The following GRIP1 variants were observed in gnomAD, a reference collection of about 807,000 sequenced individuals.
The protein encoded by GRIP1 is glutamate receptor interacting protein 1.
A neutral mutation model predicts 129.9 loss-of-function variants in GRIP1; 45 were observed. The ratio of observed to expected loss-of-function variants is 0.35; its 90% CI spans 0.27 to 0.44. The LOEUF (loss-of-function observed/expected upper bound fraction) is 0.44, where lower values mean the gene tolerates loss of function less well. Ranked by LOEUF, GRIP1 falls within the 20% of genes least tolerant of loss-of-function variation. The pLI is 1.00. For synonymous variants in GRIP1, 530 were observed against 520.8 expected (o/e 1.02, Z -0.24); for missense variants, 1,196 against 1,396.8 (o/e 0.86, Z 2.29).
intron 4 of GRIP1, among the ~76,000 whole-genome samples, chr12:66,531,009 G>T (rs1378938839): frequency 4.0e-5 from 6 of 151,718 alleles, no homozygotes; most frequent in African/African-American, 1.5e-4. Flanking sequence ...TGCCAAGGCG[G>T]GTGGATCACA....
intron 15 of GRIP1, among the ~76,000 whole-genome samples, chr12:66,415,259 G>A (rs1404640354): frequency 6.6e-6 from 1 of 151,448 alleles, no homozygotes; most frequent in African/African-American, 2.4e-5. Context: ...GATATCCAAA[G>A]TCTACAAAGA....
intron 5 of GRIP1, among the ~76,000 whole-genome samples, chr12:66,524,094 C>T (rs912635455): frequency 6.6e-6 from 1 of 152,118 alleles, no homozygotes; most frequent in Non-Finnish European, 1.5e-5. Context: ...ACTTAACACC[C>T]CACTGTCAAC....
At chr12:66,630,683 A>C (rs2030679520) in intron 1 of GRIP1, among the ~76,000 whole-genome samples, 1 of 152,136 alleles carries the variant, frequency 6.6e-6, no homozygotes, top group Non-Finnish European at 1.5e-5. Context: ...GTGAGCAGAG[A>C]CTCAGAGTGG....
rs1439856951 is a variant in GRIP1 at position 66,377,001 on chromosome 12, CAT to C, written c.2778+14_2778+15del. On this transcript the variant is annotated intron_variant, in intron 22 of 24. Coordinates refer to ENST00000359742, the MANE Select transcript of GRIP1 (RefSeq NM_001366722.1). ...GCAGCTTCACAAGCAAAAATATAAA[CAT>C]AAAGGGTAGCTACCAAGAGAGTCAT... 1 of 1,593,924 alleles carries C rather than the reference CAT, an allele frequency of 6.3e-7. No individual in the cohort carries two copies. Among genetic ancestry groups the C allele is most frequent in the Non-Finnish European group, 8.6e-7 (1 of 1,161,620 alleles).
chr12:66,479,848 G>A (rs1359298559), intron 7 of GRIP1, among the ~76,000 whole-genome samples: 1 of 149,136 alleles, frequency 6.7e-6, no homozygotes, highest in Non-Finnish European at 1.5e-5. Flanking sequence ...ATGTAGAAAA[G>A]GCCTTCAATA....
chr12:66,678,807 C>A (rs780412035), intron 1 of GRIP1, 43 bp downstream of exon 1: 1 of 1,570,762 alleles, frequency 6.4e-7, no homozygotes, highest in South Asian at 1.1e-5. Flanking sequence ...TTATAGGATA[C>A]TGCAACAGAC....
At chr12:66,435,202 A>ATTT (rs35281910) in intron 13 of GRIP1, among the ~76,000 whole-genome samples, 1,770 of 139,394 alleles carry the variant, frequency 0.013, 44 homozygotes, top group Non-Finnish European at 0.018. Context: ...ACGTGTGACC[A>ATTT]TTTTTTTTTT....
intron 2 of GRIP1, among the ~76,000 whole-genome samples, chr12:66,574,774 T>A (rs530841614): frequency 6.6e-6 from 1 of 152,054 alleles, no homozygotes; most frequent in East Asian, 1.9e-4. Context: ...AGGAACTCTC[T>A]GTTCCCACTT....
chr12:66,660,315 T>C (rs2033421939), intron 1 of GRIP1, among the ~76,000 whole-genome samples: 3 of 152,110 alleles, frequency 2.0e-5, no homozygotes, highest in Admixed American at 2.0e-4. Context: ...TGCACCTACG[T>C]ATTCAAATGA....
chr12:66,746,374 T>C (rs578138619), intron 1 of GRIP1, among the ~76,000 whole-genome samples: 5 of 152,320 alleles, frequency 3.3e-5, no homozygotes, highest in African/African-American at 9.6e-5. Flanking sequence ...TGGCATCTCC[T>C]GGAAGTTTGT....
intron 1 of GRIP1, among the ~76,000 whole-genome samples, chr12:66,620,493 C>T (rs2065219991): frequency 6.6e-6 from 1 of 152,026 alleles, no homozygotes; most frequent in Non-Finnish European, 1.5e-5. Context: ...AGCTTCCACT[C>T]TCACCTTCTG....
intron 1 of GRIP1, among the ~76,000 whole-genome samples, chr12:66,952,237 G>A (rs1461136662): frequency 1.3e-5 from 2 of 152,036 alleles, no homozygotes; most frequent in Non-Finnish European, 1.5e-5. Context: ...AAAACCATGA[G>A]CCAAAGTCAA....
At chr12:67,045,313 G>A (rs191969542) in intron 1 of GRIP1, among the ~76,000 whole-genome samples, 73 of 152,292 alleles carry the variant, frequency 4.8e-4, no homozygotes, top group Admixed American at 4.7e-3. Flanking sequence ...CAGAGACAGA[G>A]AGAAATTCTA....
At chr12:66,470,351 G>A (rs1213907082) in intron 7 of GRIP1, among the ~76,000 whole-genome samples, 1 of 151,852 alleles carries the variant, frequency 6.6e-6, no homozygotes, top group African/African-American at 2.4e-5. Context: ...CATTCAAAAT[G>A]CTGTCAGCCG....
chr12:66,935,471 T>C (rs926821955), intron 1 of GRIP1, among the ~76,000 whole-genome samples: 2 of 152,084 alleles, frequency 1.3e-5, no homozygotes, highest in Non-Finnish European at 2.9e-5. Flanking sequence ...ATTAAAGGGT[T>C]GGGGCTTTGA....
chr12:66,705,394 G>A (rs2035493570), intron 1 of GRIP1, among the ~76,000 whole-genome samples: 1 of 151,926 alleles, frequency 6.6e-6, no homozygotes, highest in Non-Finnish European at 1.5e-5. Flanking sequence ...CACTGCCCAA[G>A]GAAATAAGAG....
chr12:66,966,158 G>C lies in GRIP1; in HGVS notation c.58+102892C>G, dbSNP rs191605409. Reference sequence around the variant, plus strand: ...TATAAGGAGAAATCAAAGAATTGCTGTATTCCAGAAATAAACTGAGTAGCA... The same window carrying C: ...TATAAGGAGAAATCAAAGAATTGCTCTATTCCAGAAATAAACTGAGTAGCA... On this transcript the variant is annotated intron_variant, in intron 1 of 1. Transcript: ENST00000643019. 5.1e-4 allele frequency among the ~76,000 whole-genome samples: 77 copies of C among 152,242 alleles called. 1 individual carries two copies. Among genetic ancestry groups the C allele is most frequent in the African/African-American group, 1.7e-3 (71 of 41,556 alleles).
chr12:66,605,669 C>T (rs555245211), intron 1 of GRIP1, among the ~76,000 whole-genome samples: 7 of 152,240 alleles, frequency 4.6e-5, no homozygotes, highest in South Asian at 2.1e-4. Context: ...TTTATAACTT[C>T]GGTAACTTTA....
chr12:66,767,515 TGAA>T (rs953627598), intron 1 of GRIP1, among the ~76,000 whole-genome samples: 10 of 151,512 alleles, frequency 6.6e-5, no homozygotes, highest in South Asian at 4.2e-4. Context: ...CAATAAAAGC[TGAA>T]GAAGAAGGCT....
Sources: gnomAD v4.1 joint callset for allele counts (sites outside exome capture counted in the v4.1 genomes callset) on GRCh38, gnomAD v4.1.1 for gene constraint, MANE v1.5 for transcripts, NCBI Gene and HGNC (gene_info 2026-07-23, HGNC 2026-07-21) for gene names.